PIK3CD: variants seen among roughly 807,000 people sequenced by gnomAD.
PIK3CD encodes the protein phosphatidylinositol 4,5-bisphosphate 3-kinase catalytic subunit delta isoform.
Under a neutral mutation model 122.9 loss-of-function variants are expected in PIK3CD, and 20 were observed. That is an observed-to-expected ratio of 0.16 (90% CI 0.11 to 0.24). The LOEUF is 0.24. Among genes scored for constraint, PIK3CD ranks in the 10% least tolerant of loss-of-function variants. PIK3CD has a pLI of 1.00. For synonymous variants in PIK3CD, 596 were observed against 593.4 expected (o/e 1.00, Z -0.06); for missense variants, 787 against 1,406.3 (o/e 0.56, Z 7.04).
intron 1 of PIK3CD, among the ~76,000 whole-genome samples, chr1:9,685,033 G>A (rs1032372792): frequency 1.3e-5 from 2 of 152,008 alleles, no homozygotes; most frequent in Non-Finnish European, 2.9e-5. Context: ...AGAAGGAAGT[G>A]CCAGATGCTA....
At chr1:9,653,588 C>G (rs1644745910) in intron 1 of PIK3CD, 1 of 370,936 alleles carries the variant, frequency 2.7e-6, no homozygotes, top group Non-Finnish European at 5.3e-6. Context: ...ACCCTTGAGA[C>G]TCCTCTGTAA....
At position 9,717,125 on chromosome 1, in the gene PIK3CD, C is replaced by G. The variant is rs369740290; in HGVS notation, c.930+17C>G. The G allele has an allele frequency of 6.2e-7, 1 of 1,613,548 alleles. No individual in the cohort carries two copies. The highest frequency in any genetic ancestry group is 2.2e-5 in the East Asian group (1 of 44,892). ...GCGAAGAAGGTGAGATGGCGCCTTC[C>G]GCCTCCCCTCTGAGCCACCCCTTCT... On this transcript the variant is annotated intron_variant, in intron 7 of 23. Coordinates refer to ENST00000377346, the MANE Select transcript of PIK3CD (RefSeq NM_005026.5). The surrounding 1 kb of genome is among the most constrained non-coding windows in gnomAD (Gnocchi z 5.4).
At position 9,665,653 on chromosome 1, in the gene PIK3CD, C is replaced by T. The variant is rs933168044; in HGVS notation, c.-138+13851C>T. ...TCCAATAGTAGGCAGGGGAAATATT[C>T]CGCAGCCAGATATTATATCCATTCT... On this transcript the variant is annotated intron_variant, in intron 1 of 23. Coordinates refer to ENST00000377346, the MANE Select transcript of PIK3CD (RefSeq NM_005026.5). 2.0e-5 allele frequency among the ~76,000 whole-genome samples: 3 copies of T among 152,156 alleles called. No homozygotes were observed. The South Asian group carries it at 6.2e-4, about 32-fold the overall frequency.
upstream of PIK3CD, among the ~76,000 whole-genome samples, chr1:9,649,391 C>T (rs960119737): frequency 3.3e-5 from 5 of 152,148 alleles, no homozygotes; most frequent in South Asian, 2.1e-4. Flanking sequence ...CCACTAAACC[C>T]GGCTAATTTT....
the PIK3CD span, among the ~76,000 whole-genome samples, chr1:9,644,799 C>T: frequency 1.4e-3 from 208 of 152,148 alleles, no homozygotes; most frequent in Non-Finnish European, 2.3e-3. Context: ...AACCAACATG[C>T]ATTACTTACA....
chr1:9,692,474 C>T (rs1056956415), intron 2 of PIK3CD, among the ~76,000 whole-genome samples: 1 of 152,144 alleles, frequency 6.6e-6, no homozygotes, highest in Non-Finnish European at 1.5e-5. Context: ...TGCCTGTAAT[C>T]CTAGCACTTT....
chr1:9,728,302 TC>T lies in PIK3CD; in HGVS notation c.*1258del, dbSNP rs1468573257. ...AATGGTGCAGGCTTAGTCTTAAGCC[TC>T]CAAAGGCCTGGATTTGAGCAGCTTT... On this transcript the variant is annotated 3_prime_UTR_variant, in exon 24 of 24. Transcript: ENST00000377346. The T allele has an allele frequency of 1.3e-5, 2 of 152,186 alleles. No homozygotes were observed. Among genetic ancestry groups the T allele is most frequent in the Non-Finnish European group, 2.9e-5 (2 of 68,036 alleles). The allele number at this position is 152,186 out of a possible 1,614,324, so 9.4% of individuals were successfully genotyped here.
chr1:9,639,047 G>A, the PIK3CD span, among the ~76,000 whole-genome samples: 5 of 152,072 alleles, frequency 3.3e-5, no homozygotes, highest in African/African-American at 1.2e-4. Flanking sequence ...GATTACACGC[G>A]TGAGCCATCG....
rs1261367115 is a variant in PIK3CD at position 9,720,951 on chromosome 1, C to G, written c.1689+42C>G. ...ACCTGGGGGCGGAGCTGGGGGCAGA[C>G]CACAGCCTCTGGCTACCCACCACCC... On this transcript the variant is annotated intron_variant, in intron 13 of 23. Transcript: ENST00000377346. This position sits in a 1 kb window ranked among gnomAD's most constrained non-coding sequence, Gnocchi z 9.0. 2 of 1,542,358 alleles carry G rather than the reference C, an allele frequency of 1.3e-6. No individual in the cohort carries two copies. The highest frequency in any genetic ancestry group is 1.8e-6 in the Non-Finnish European group (2 of 1,141,406).
chr1:9,720,946 G>T lies in PIK3CD; in HGVS notation c.1689+37G>T. ...GGCGCACCTGGGGGCGGAGCTGGGG[G>T]CAGACCACAGCCTCTGGCTACCCAC... is the stretch of plus-strand genomic sequence containing the variant. On this transcript the variant is annotated intron_variant, in intron 13 of 23. Transcript: ENST00000377346. This position sits in a 1 kb window ranked among gnomAD's most constrained non-coding sequence, Gnocchi z 9.0. 1 of 1,544,540 alleles carries T rather than the reference G, an allele frequency of 6.5e-7. No homozygotes were observed. Among genetic ancestry groups the T allele is most frequent in the Non-Finnish European group, 8.8e-7 (1 of 1,142,762 alleles).
chr1:9,628,555 C>T, the PIK3CD span, among the ~76,000 whole-genome samples: 2 of 152,224 alleles, frequency 1.3e-5, no homozygotes, highest in Admixed American at 6.5e-5. Flanking sequence ...GCGCCCCTGC[C>T]GTGGAGGGAG....
At position 9,720,337 on chromosome 1, in the gene PIK3CD, G is replaced by A. The variant is rs28730675; in HGVS notation, c.1470+95G>A. The A allele has an allele frequency of 1.6e-3, 2,296 of 1,464,320 alleles. 35 individuals carry two copies. The African/African-American group carries it at 0.027, about 17-fold the overall frequency. 90.7% of individuals were successfully genotyped at this position (1,464,320 alleles called of 1,614,324 possible). A position where few individuals can be genotyped will look rare whatever the true frequency, so the allele number is the denominator to read the frequency against. On this transcript the variant is annotated intron_variant, in intron 11 of 23. Transcript: ENST00000377346. This position sits in a 1 kb window ranked among gnomAD's most constrained non-coding sequence, Gnocchi z 9.0. Reference sequence around the variant, plus strand: ...TCTTCAGAGGGTGCTCCCTGGCCACGTCGGGGCTGGGCTACCAGGCATATC... The same window carrying A: ...TCTTCAGAGGGTGCTCCCTGGCCACATCGGGGCTGGGCTACCAGGCATATC...
At chr1:9,666,343 G>C (rs1645159595) in intron 1 of PIK3CD, among the ~76,000 whole-genome samples, 1 of 140,248 alleles carries the variant, frequency 7.1e-6, no homozygotes, top group African/African-American at 2.7e-5. Context: ...CCAGGTTCAA[G>C]TGATTCTCCT....
At chr1:9,705,269 G>A (rs1390518538) in intron 2 of PIK3CD, among the ~76,000 whole-genome samples, 1 of 150,018 alleles carries the variant, frequency 6.7e-6, no homozygotes, top group Admixed American at 6.7e-5. Context: ...CCAGGAGTTT[G>A]GGACCAGTCT....
chr1:9,685,462 G>A (rs1645930663), intron 1 of PIK3CD, among the ~76,000 whole-genome samples: 1 of 152,074 alleles, frequency 6.6e-6, no homozygotes, highest in African/African-American at 2.4e-5. Flanking sequence ...AGGTTCAAGC[G>A]AATCTCGTGC....
At chr1:9,681,532 A>C (rs1471375575) in intron 1 of PIK3CD, among the ~76,000 whole-genome samples, 1 of 152,182 alleles carries the variant, frequency 6.6e-6, no homozygotes, top group African/African-American at 2.4e-5. Flanking sequence ...CTCCTGCCTC[A>C]GCCTCCCGAG....
At chr1:9,726,844 A>T in intron 23 of PIK3CD, 65 bp from the exon 24 acceptor site, 1 of 1,599,254 alleles carries the variant, frequency 6.3e-7, no homozygotes, top group Non-Finnish European at 8.6e-7. Flanking sequence ...GTCCCCAGAG[A>T]GGGACGCATC....
Position 9,691,489 on chromosome 1 carries a change from G to A in PIK3CD, c.-115G>A, listed in dbSNP as rs1646194264. On this transcript the variant is annotated 5_prime_UTR_variant, in exon 2 of 24. Coordinates refer to ENST00000377346, the MANE Select transcript of PIK3CD (RefSeq NM_005026.5). ...CAGATAAGGAGTCAGGCCAGGGCGGGATGACACTCATTGATTCTAAAGCAT... is the reference window on the plus strand; with the variant it reads ...CAGATAAGGAGTCAGGCCAGGGCGGAATGACACTCATTGATTCTAAAGCAT... 2.5e-6 allele frequency: 1 copy of A among 398,462 alleles called. No individual in the cohort carries two copies. Among genetic ancestry groups the A allele is most frequent in the South Asian group, 1.3e-4 (1 of 7,852 alleles). The allele number at this position is 398,462 out of a possible 1,614,324, so 24.7% of individuals were successfully genotyped here.
intron 1 of PIK3CD, among the ~76,000 whole-genome samples, chr1:9,676,759 G>A (rs905162467): frequency 1.3e-5 from 2 of 152,190 alleles, no homozygotes; most frequent in Non-Finnish European, 2.9e-5. Flanking sequence ...GGCTGCCTTC[G>A]GGGCTTGTCA....
Sources: allele counts gnomAD v4.1 joint callset (sites outside exome capture counted in the v4.1 genomes callset), GRCh38; gene constraint gnomAD v4.1.1; non-coding constraint Gnocchi (gnomAD v3.1); transcripts MANE v1.5; gene names NCBI Gene and HGNC (gene_info 2026-07-23, HGNC 2026-07-21).